ABCA9: variants seen among roughly 807,000 people sequenced by gnomAD.
The protein encoded by ABCA9 is ATP-binding cassette sub-family A member 9.
Under a neutral mutation model 205.3 loss-of-function variants are expected in ABCA9, and 183 were observed. That is an observed-to-expected ratio of 0.89 (90% CI 0.79 to 1.01). The LOEUF (loss-of-function observed/expected upper bound fraction) is 1.01. ABCA9 is among the 50% of genes least tolerant of loss of function. The pLI is 0.00. For synonymous variants in ABCA9, 651 were observed against 683.3 expected (o/e 0.95, Z 0.74); for missense variants, 1,805 against 1,912.4 (o/e 0.94, Z 1.05).
intron 23 of ABCA9, 52 bp from the exon 24 acceptor site, chr17:69,008,287 G>T: frequency 6.5e-7 from 1 of 1,530,264 alleles, no homozygotes; most frequent in Non-Finnish European, 8.9e-7. Context: ...CTGAAGTTTG[G>T]GAAATTGCAA....
intron 19 of ABCA9, chr17:69,020,106 C>G (rs2070763746): frequency 3.3e-6 from 1 of 298,918 alleles, no homozygotes; most frequent in Admixed American, 4.7e-5. Flanking sequence ...AGGATGGGAC[C>G]TAAGTACTAA....
intron 26 of ABCA9, among the ~76,000 whole-genome samples, chr17:68,994,250 C>G (rs1418360636): frequency 6.6e-6 from 1 of 152,218 alleles, no homozygotes; most frequent in Non-Finnish European, 1.5e-5. Context: ...TGGAGAACCT[C>G]TAACCCACCA....
intron 22 of ABCA9, chr17:69,012,306 A>G (rs1395810856): frequency 1.1e-5 from 5 of 455,346 alleles, no homozygotes; most frequent in Non-Finnish European, 1.6e-5. Flanking sequence ...AGCAAATTCA[A>G]CCAAGTGATA....
chr17:69,033,932 T>C (rs1193032276), intron 8 of ABCA9, 59 bp from the exon 9 acceptor site: 5 of 1,363,298 alleles, frequency 3.7e-6, no homozygotes, highest in Non-Finnish European at 5.1e-6. Flanking sequence ...AGAATTATTA[T>C]TGTTTTATTT....
chr17:68,995,123 T>A (rs768103928), intron 26 of ABCA9, among the ~76,000 whole-genome samples: 46 of 152,150 alleles, frequency 3.0e-4, no homozygotes, highest in Non-Finnish European at 4.4e-4. Context: ...ATGGTCTCTT[T>A]TCAGTTGTCA....
Position 69,017,695 on chromosome 17 carries a change from T to C in ABCA9, c.2862A>G (p.Pro954=), listed in dbSNP as rs771109632. ...AFGTRNGTDD[P]SYNGAIIVSG... ...ACACAATGATAGCACCATTGTAAGA[T>C]GGGTCATCTGTGCCATTTCTAGTTC... Residue 954 remains proline (P), a synonymous_variant, in exon 21 of 39, where the codon CCA becomes CCG. Transcript: ENST00000340001. 2 of 1,613,428 alleles carry C rather than the reference T, an allele frequency of 1.2e-6. No homozygotes were observed. Among genetic ancestry groups the C allele is most frequent in the Admixed American group, 1.7e-5 (1 of 59,982 alleles).
chr17:69,049,225 A>C (rs1247877994), intron 3 of ABCA9, 58 bp downstream of exon 3: 1 of 1,439,566 alleles, frequency 6.9e-7, no homozygotes, highest in African/African-American at 1.4e-5. Context: ...GGAAATCTCA[A>C]AATGAATTTG....
chr17:69,021,183 G>C (rs935541459), intron 18 of ABCA9, among the ~76,000 whole-genome samples: 2 of 151,752 alleles, frequency 1.3e-5, no homozygotes, highest in African/African-American at 4.8e-5. Context: ...GAGGATTAAA[G>C]AAAAATGCTT....
intron 37 of ABCA9, among the ~76,000 whole-genome samples, chr17:68,977,594 G>A (rs556112157): frequency 6.6e-6 from 1 of 152,282 alleles, no homozygotes; most frequent in East Asian, 1.9e-4. Flanking sequence ...TGAGGCTAGG[G>A]TTTTGCTGGA....
the ABCA9 span, among the ~76,000 whole-genome samples, chr17:69,074,283 G>A: frequency 6.6e-6 from 1 of 151,952 alleles, no homozygotes; most frequent in African/African-American, 2.4e-5. Context: ...TTAGATTCAG[G>A]AGATACATGT....
At chr17:69,053,873 C>G (rs911372811) in intron 1 of ABCA9, among the ~76,000 whole-genome samples, 5 of 151,856 alleles carry the variant, frequency 3.3e-5, no homozygotes, top group Non-Finnish European at 7.4e-5. Flanking sequence ...ACAACTACAC[C>G]AAGAAATATC....
intron 1 of ABCA9, among the ~76,000 whole-genome samples, chr17:69,057,454 G>C (rs1371251411): frequency 1.3e-5 from 2 of 152,128 alleles, no homozygotes; most frequent in Non-Finnish European, 2.9e-5. Flanking sequence ...TGGCCTTTAG[G>C]CTTGCACACA....
chr17:69,018,678 T>G, intron 19 of ABCA9, 99 bp from the exon 20 acceptor site: 1 of 907,586 alleles, frequency 1.1e-6, no homozygotes, highest in Non-Finnish European at 1.6e-6. Context: ...AAATAAATTA[T>G]AATCAATAAC....
At chr17:69,004,982 G>A (rs1040939807) in intron 25 of ABCA9, among the ~76,000 whole-genome samples, 1 of 152,006 alleles carries the variant, frequency 6.6e-6, no homozygotes, top group South Asian at 2.1e-4. Flanking sequence ...GCTTCGGCTC[G>A]TGCATGGTGC....
chr17:69,018,092 AT>A (rs1045875552), intron 20 of ABCA9: 20 of 365,188 alleles, frequency 5.5e-5, no homozygotes, highest in East Asian at 4.3e-4. Context: ...AATTTGAAAC[AT>A]TTTTTTCCAG....
rs148799441 is a variant in ABCA9 at position 68,982,694 on chromosome 17, G to A, written c.4641-53C>T. ...CTCCAGGTGTCAAGGTTGAAACCCC[G>A]ATGGGTACAAGTCTAAAAAGGGAAA... On this transcript the variant is annotated intron_variant, in intron 36 of 38. Transcript: ENST00000340001. 6.2e-5 allele frequency: 87 copies of A among 1,413,946 alleles called. No individual in the cohort carries two copies. The African/African-American group carries it at 9.6e-4, about 16-fold the overall frequency. 87.6% of individuals were successfully genotyped at this position (1,413,946 alleles called of 1,614,324 possible).
At chr17:69,068,071 G>A in the ABCA9 span, among the ~76,000 whole-genome samples, 11 of 152,136 alleles carry the variant, frequency 7.2e-5, no homozygotes, top group Non-Finnish European at 1.5e-4. Context: ...ATTAATATAT[G>A]TTAGATTTTG....
intron 25 of ABCA9, 128 bp downstream of exon 25, chr17:69,007,627 TTTGA>T (rs756871252): frequency 2.8e-5 from 17 of 609,668 alleles, no homozygotes; most frequent in Non-Finnish European, 5.0e-5. Flanking sequence ...TAAATAGTAC[TTTGA>T]TTATCTTAGA....
intron 1 of ABCA9, among the ~76,000 whole-genome samples, chr17:69,059,094 C>T (rs2072156297): frequency 1.3e-5 from 2 of 152,112 alleles, no homozygotes; most frequent in Non-Finnish European, 2.9e-5. Context: ...ATTCCATTAC[C>T]TCCTCCTGCG....
Sources: gnomAD v4.1 joint callset for allele counts (sites outside exome capture counted in the v4.1 genomes callset) on GRCh38, gnomAD v4.1.1 for gene constraint, MANE v1.5 for transcripts, NCBI Gene and HGNC (gene_info 2026-07-23, HGNC 2026-07-21) for gene names.